DRC8: variants seen among roughly 807,000 people sequenced by gnomAD.
DRC8 encodes dynein regulatory complex protein 8.
At chr1:245,013,255 CTT>C in the DRC8 span, among the ~76,000 whole-genome samples, 6 of 152,314 alleles carry the variant, frequency 3.9e-5, no homozygotes, top group Non-Finnish European at 8.8e-5. Context: ...TTGTCTCTCT[CTT>C]GGGCCTTTCA....
chr1:245,043,230 G>A, the DRC8 span, among the ~76,000 whole-genome samples: 29 of 152,108 alleles, frequency 1.9e-4, no homozygotes, highest in Non-Finnish European at 2.8e-4. Context: ...TCAGGAGTTT[G>A]AGATCAGCCT....
chr1:245,082,997 C>T, the DRC8 span, among the ~76,000 whole-genome samples: 1 of 152,086 alleles, frequency 6.6e-6, no homozygotes, highest in Non-Finnish European at 1.5e-5. Context: ...GCATGAGCCA[C>T]CATACCCAGC....
chr1:245,026,108 T>C, the DRC8 span, among the ~76,000 whole-genome samples: 1 of 152,244 alleles, frequency 6.6e-6, no homozygotes. Context: ...AGACAAATTT[T>C]GCAGTCCAGC....
At chr1:245,042,320 C>G in the DRC8 span, among the ~76,000 whole-genome samples, 1 of 152,134 alleles carries the variant, frequency 6.6e-6, no homozygotes, top group Non-Finnish European at 1.5e-5. Context: ...GCACATAGGA[C>G]TATATAAGAA....
chr1:245,069,607 G>A, the DRC8 span, among the ~76,000 whole-genome samples: 1 of 152,210 alleles, frequency 6.6e-6, no homozygotes, highest in Non-Finnish European at 1.5e-5. Flanking sequence ...TAGAGCAGTA[G>A]TGGCCGGGGA....
At chr1:245,014,299 A>C in the DRC8 span, among the ~76,000 whole-genome samples, 1 of 152,208 alleles carries the variant, frequency 6.6e-6, no homozygotes, top group African/African-American at 2.4e-5. Flanking sequence ...TTGTAAAGAA[A>C]TAATTGAAGA....
chr1:244,991,324 A>G, the DRC8 span, among the ~76,000 whole-genome samples: 1 of 152,094 alleles, frequency 6.6e-6, no homozygotes, highest in African/African-American at 2.4e-5. Context: ...TTCTCCCGGC[A>G]TGTGGATGTG....
the DRC8 span, chr1:244,970,370 G>C: frequency 6.6e-7 from 1 of 1,525,472 alleles, no homozygotes; most frequent in Non-Finnish European, 8.8e-7. Flanking sequence ...GGGACACCGC[G>C]GCCGAGGTTA....
chr1:245,053,869 A>G, the DRC8 span, among the ~76,000 whole-genome samples: 7 of 152,208 alleles, frequency 4.6e-5, no homozygotes, highest in African/African-American at 1.7e-4. Flanking sequence ...AGAACTTGCC[A>G]TTCTCTCACA....
the DRC8 span, among the ~76,000 whole-genome samples, chr1:244,994,538 TC>T: frequency 1.3e-5 from 2 of 152,184 alleles, no homozygotes; most frequent in African/African-American, 4.8e-5. Flanking sequence ...CAAGTGAGTC[TC>T]CTGCCTCAGC....
At chr1:244,989,416 TG>T in the DRC8 span, among the ~76,000 whole-genome samples, 1 of 152,202 alleles carries the variant, frequency 6.6e-6, no homozygotes, top group Non-Finnish European at 1.5e-5. Flanking sequence ...ATGACCTCCT[TG>T]ACAGTTTTCA....
At chr1:245,035,730 G>T in the DRC8 span, among the ~76,000 whole-genome samples, 1 of 151,978 alleles carries the variant, frequency 6.6e-6, no homozygotes, top group African/African-American at 2.4e-5. Flanking sequence ...AGCTGGGCAC[G>T]GTGGTACACA....
the DRC8 span, among the ~76,000 whole-genome samples, chr1:244,974,387 A>C: frequency 2.0e-5 from 3 of 152,220 alleles, no homozygotes; most frequent in Non-Finnish European, 4.4e-5. Context: ...TGCAGATATT[A>C]AAAGCTCACT....
chr1:245,006,893 C>T, the DRC8 span, among the ~76,000 whole-genome samples: 1 of 151,966 alleles, frequency 6.6e-6, no homozygotes, highest in South Asian at 2.1e-4. Flanking sequence ...GGGATTGCGC[C>T]AGTGAATTCC....
At chr1:245,119,928 G>A in the DRC8 span, among the ~76,000 whole-genome samples, 9 of 139,160 alleles carry the variant, frequency 6.5e-5, no homozygotes, top group African/African-American at 2.5e-4. Context: ...GCGAGACCCC[G>A]TCTCAAAAAA....
chr1:245,047,018 A>G, the DRC8 span, among the ~76,000 whole-genome samples: 3 of 152,212 alleles, frequency 2.0e-5, no homozygotes, highest in African/African-American at 4.8e-5. Context: ...CTGGGGCTCA[A>G]CGAGTCCATC....
At chr1:244,994,757 T>G in the DRC8 span, among the ~76,000 whole-genome samples, 1 of 152,188 alleles carries the variant, frequency 6.6e-6, no homozygotes, top group Non-Finnish European at 1.5e-5. Context: ...CCCTGTTGTT[T>G]GAGTGAAAGG....
chr1:245,012,811 C>G, the DRC8 span, among the ~76,000 whole-genome samples: 2 of 152,086 alleles, frequency 1.3e-5, no homozygotes, highest in African/African-American at 2.4e-5. Context: ...AATGGTATTT[C>G]ATTTGGAATT....
At chr1:245,113,567 A>C in the DRC8 span, among the ~76,000 whole-genome samples, 1 of 152,220 alleles carries the variant, frequency 6.6e-6, no homozygotes, top group Non-Finnish European at 1.5e-5. Context: ...GGAGCTGGCT[A>C]TAGAAAATAT....
Sources: gnomAD v4.1 joint callset for allele counts (sites outside exome capture counted in the v4.1 genomes callset) on GRCh38, gnomAD v4.1.1 for gene constraint, MANE v1.5 for transcripts, NCBI Gene and HGNC (gene_info 2026-07-23, HGNC 2026-07-21) for gene names.